The following FRK variants were observed in gnomAD, a reference collection of about 807,000 sequenced individuals.
FRK encodes the protein fyn related Src family tyrosine kinase, also known as tyrosine-protein kinase FRK.
Under a neutral mutation model 56.4 loss-of-function variants are expected in FRK, and 51 were observed. The ratio of observed to expected loss-of-function variants is 0.90; its 90% CI spans 0.72 to 1.14. FRK has a LOEUF of 1.14. FRK is among the 50% of genes most tolerant of loss of function. The pLI, the probability that FRK is intolerant of heterozygous loss-of-function variation, is 0.00. For missense variants in FRK, 570 were observed against 601.4 expected (o/e 0.95, Z 0.55); for synonymous variants, 245 against 217.9 (o/e 1.12, Z -1.10).
chr6:116,062,276 C>A (rs1338830594), upstream of FRK, among the ~76,000 whole-genome samples: 1 of 151,658 alleles, frequency 6.6e-6, no homozygotes, highest in Non-Finnish European at 1.5e-5. Context: ...TGATATGAGA[C>A]CTAAAATAGA....
the FRK span, among the ~76,000 whole-genome samples, chr6:116,092,690 T>A: frequency 6.6e-6 from 1 of 152,194 alleles, no homozygotes; most frequent in Non-Finnish European, 1.5e-5. Flanking sequence ...TTGTGGGTTC[T>A]TGAGCAAGAA....
intron 1 of FRK, among the ~76,000 whole-genome samples, chr6:116,028,591 G>A (rs1776186466): frequency 6.6e-6 from 1 of 152,096 alleles, no homozygotes; most frequent in African/African-American, 2.4e-5. Context: ...TTTGTTGGCA[G>A]TCTTTGGCAT....
At chr6:115,993,162 C>T (rs1050820338) in intron 2 of FRK, among the ~76,000 whole-genome samples, 5 of 151,292 alleles carry the variant, frequency 3.3e-5, no homozygotes, top group African/African-American at 1.2e-4. Flanking sequence ...TGTAGATATA[C>T]AAATAAAGGC....
chr6:116,022,452 A>G (rs892738132), intron 1 of FRK, among the ~76,000 whole-genome samples: 15 of 152,132 alleles, frequency 9.9e-5, no homozygotes, highest in African/African-American at 3.6e-4. Flanking sequence ...CAAATTCATC[A>G]AAAATATATC....
intron 1 of FRK, among the ~76,000 whole-genome samples, chr6:116,042,738 T>G (rs535976242): frequency 6.6e-6 from 1 of 152,058 alleles, no homozygotes; most frequent in African/African-American, 2.4e-5. Flanking sequence ...CACAACAATA[T>G]TAACCTTAAA....
At chr6:116,097,285 A>AT in the FRK span, among the ~76,000 whole-genome samples, 6 of 152,108 alleles carry the variant, frequency 3.9e-5, no homozygotes, top group Admixed American at 6.5e-5. Context: ...TATTTTTCCT[A>AT]TTTTTTTCCA....
intron 6 of FRK, 132 bp downstream of exon 6, chr6:115,944,112 C>T: frequency 1.6e-6 from 1 of 637,750 alleles, no homozygotes; most frequent in Non-Finnish European, 2.5e-6. Flanking sequence ...AGGCTTTGGA[C>T]TACTGAAGTA....
chr6:116,046,350 T>C (rs1163492218), intron 1 of FRK, among the ~76,000 whole-genome samples: 1 of 152,216 alleles, frequency 6.6e-6, no homozygotes, highest in Non-Finnish European at 1.5e-5. Flanking sequence ...ATTGCAGCAC[T>C]GTTCACAACA....
intron 2 of FRK, among the ~76,000 whole-genome samples, chr6:115,972,360 T>C (rs1277542053): frequency 6.6e-6 from 1 of 152,166 alleles, no homozygotes; most frequent in African/African-American, 2.4e-5. Flanking sequence ...ACAGGATGCT[T>C]TCACCTTCTC....
At chr6:116,040,493 TG>T in intron 1 of FRK, among the ~76,000 whole-genome samples, 1 of 152,194 alleles carries the variant, frequency 6.6e-6, no homozygotes, top group Non-Finnish European at 1.5e-5. Context: ...TCCTTATTTG[TG>T]GGCTTTATAA....
At chr6:116,046,434 T>A (rs1324785344) in intron 1 of FRK, among the ~76,000 whole-genome samples, 1 of 152,192 alleles carries the variant, frequency 6.6e-6, no homozygotes, top group African/African-American at 2.4e-5. Flanking sequence ...ATATACACCA[T>A]GGAATACTAT....
chr6:116,027,517 A>G (rs780651216), intron 1 of FRK, among the ~76,000 whole-genome samples: 1 of 152,202 alleles, frequency 6.6e-6, no homozygotes, highest in Non-Finnish European at 1.5e-5. Context: ...AAAACTAGGC[A>G]CAACAATGTA....
In FRK at chr6:115,940,176, C is replaced by G. The variant is rs1233166762; in HGVS notation, c.*2238G>C. On this transcript the variant is annotated 3_prime_UTR_variant, in exon 8 of 8. Coordinates refer to ENST00000606080, the MANE Select transcript of FRK (RefSeq NM_002031.3). ...AACAGAGGCCTCAGAAATAACACCA[C>G]ACATCTACAACCATCTGATCTTTGA... The G allele has an allele frequency of 6.6e-6, 1 of 152,188 alleles. No homozygotes were observed. Among genetic ancestry groups the G allele is most frequent in the African/African-American group, 2.4e-5 (1 of 41,452 alleles). The allele number at this position is 152,188 out of a possible 1,614,324, so 9.4% of individuals were successfully genotyped here. A position where few individuals can be genotyped will look rare whatever the true frequency, so the allele number is the denominator to read the frequency against.
the FRK span, among the ~76,000 whole-genome samples, chr6:116,067,913 C>T: frequency 1.3e-5 from 2 of 152,212 alleles, no homozygotes; most frequent in African/African-American, 4.8e-5. Context: ...AATAAGCAGA[C>T]CGCAAACAAT....
upstream of FRK, among the ~76,000 whole-genome samples, chr6:116,061,386 G>T (rs530408804): frequency 1.4e-5 from 2 of 140,798 alleles, no homozygotes; most frequent in Non-Finnish European, 3.0e-5. Context: ...TATCCTTCAA[G>T]TACTATTTGG....
intron 2 of FRK, among the ~76,000 whole-genome samples, chr6:115,969,116 G>T (rs1773704996): frequency 6.6e-6 from 1 of 152,096 alleles, no homozygotes; most frequent in Non-Finnish European, 1.5e-5. Context: ...ATCATGAAAG[G>T]TTTTTAGAAA....
chr6:116,093,329 T>A, the FRK span, among the ~76,000 whole-genome samples: 1 of 152,194 alleles, frequency 6.6e-6, no homozygotes. Context: ...CCCAGGTACA[T>A]GTCCCCTTCT....
At chr6:116,026,592 C>T (rs1354541156) in intron 1 of FRK, among the ~76,000 whole-genome samples, 2 of 151,444 alleles carry the variant, frequency 1.3e-5, no homozygotes, top group African/African-American at 4.9e-5. Context: ...ACGTGTAACA[C>T]ACCCACCTGC....
chr6:115,992,661 G>C lies in FRK; in HGVS notation c.466+11216C>G, dbSNP rs553868144. ...CACCATGCTATGTCTTGAGTACCTTGCTCAAAGAAAGTAAAGAGAAAGGTT... is the reference window on the plus strand; with the variant it reads ...CACCATGCTATGTCTTGAGTACCTTCCTCAAAGAAAGTAAAGAGAAAGGTT... On this transcript the variant is annotated intron_variant, in intron 2 of 7. Coordinates refer to ENST00000606080, the MANE Select transcript of FRK (RefSeq NM_002031.3). Among the ~76,000 whole-genome samples the C allele has an allele frequency of 1.6e-4, 24 of 151,908 alleles. No individual in the cohort carries two copies. The East Asian group carries it at 3.5e-3, about 22-fold the overall frequency.
Sources: gnomAD v4.1 joint callset for allele counts (sites outside exome capture counted in the v4.1 genomes callset) on GRCh38, gnomAD v4.1.1 for gene constraint, MANE v1.5 for transcripts, NCBI Gene and HGNC (gene_info 2026-07-23, HGNC 2026-07-21) for gene names.